Variants in FILIP1 observed in about 807,000 individuals in gnomAD.
FILIP1 encodes the protein filamin-A-interacting protein 1.
Under a neutral mutation model 102.1 loss-of-function variants are expected in FILIP1, and 61 were observed. The observed-to-expected ratio is 0.60, with a 90% confidence interval of 0.49 to 0.74. The LOEUF (loss-of-function observed/expected upper bound fraction) is 0.74. Ranked by LOEUF, FILIP1 falls within the 30% of genes least tolerant of loss-of-function variation. FILIP1 has a pLI of 0.00. For missense variants in FILIP1, 1,314 were observed against 1,441.2 expected (o/e 0.91, Z 1.43); for synonymous variants, 491 against 526.9 (o/e 0.93, Z 0.93).
intron 3 of FILIP1, among the ~76,000 whole-genome samples, chr6:75,355,047 C>T (rs1377261185): frequency 6.6e-6 from 1 of 152,160 alleles, no homozygotes; most frequent in Non-Finnish European, 1.5e-5. Context: ...GTAATCTCAG[C>T]ACTTTGAGAG....
At chr6:75,355,313 A>C (rs1266447237) in intron 3 of FILIP1, among the ~76,000 whole-genome samples, 2 of 152,056 alleles carry the variant, frequency 1.3e-5, no homozygotes, top group Admixed American at 6.6e-5. Flanking sequence ...AAACCAAAAC[A>C]AAACAAAACA....
intron 2 of FILIP1, among the ~76,000 whole-genome samples, chr6:75,413,158 T>C (rs1210145965): frequency 6.6e-6 from 1 of 152,082 alleles, no homozygotes; most frequent in Admixed American, 6.6e-5. Flanking sequence ...ACGCAGAAAT[T>C]AGAGTTTGCA....
rs1562463676 is a variant in FILIP1, at chr6:75,327,540, A to G, written c.630-12338T>C. ...TTAAGATTTTTTTGTGTGTGAATATATATATATGAATATATATATATAAGT... is the reference window on the plus strand; with the variant it reads ...TTAAGATTTTTTTGTGTGTGAATATGTATATATGAATATATATATATAAGT... On this transcript the variant is annotated intron_variant, in intron 4 of 5. Transcript: ENST00000237172. Among the ~76,000 whole-genome samples the G allele has an allele frequency of 3.5e-5, 5 of 144,646 alleles. 1 individual carries two copies. The South Asian group carries it at 1.1e-3, about 32-fold the overall frequency. 94.9% of individuals were successfully genotyped at this position (144,646 alleles called of 152,430 possible).
At chr6:75,443,333 C>A (rs981495111) in intron 1 of FILIP1, among the ~76,000 whole-genome samples, 21 of 152,106 alleles carry the variant, frequency 1.4e-4, no homozygotes, top group African/African-American at 5.1e-4. Flanking sequence ...AAGCATTAAT[C>A]AATTTTTAAT....
Position 75,313,363 on chromosome 6 carries a change from G to T in FILIP1, c.2469C>A (p.Phe823Leu). ...TTTCTTCCTGGAAGGATTTCCGTAT[G>T]AATACAGCTGGCGTTTCTTCCTCTG... ...EAAEEETPAV[F>L]IRKSFQEENH... Residue 823 changes from phenylalanine (F) to leucine (L), a missense_variant, in exon 5 of 6, where the codon TTC (phenylalanine) becomes TTA (leucine). Transcript: ENST00000237172. The surrounding 1 kb of genome is among the most constrained non-coding windows in gnomAD (Gnocchi z 4.2). 6.2e-7 allele frequency: 1 copy of T among 1,614,218 alleles called. No individual in the cohort carries two copies.
chr6:75,303,607 G>C (rs1582308169), downstream of FILIP1, among the ~76,000 whole-genome samples: 1 of 152,206 alleles, frequency 6.6e-6, no homozygotes, highest in South Asian at 2.1e-4. Context: ...GCAGCAGACT[G>C]ATTGCAGGGG....
chr6:75,440,191 T>A (rs983301400), intron 1 of FILIP1, among the ~76,000 whole-genome samples: 1 of 152,196 alleles, frequency 6.6e-6, no homozygotes, highest in Non-Finnish European at 1.5e-5. Context: ...TTTTTGGGAA[T>A]CTAACATTAT....
chr6:75,346,753 G>GT (rs1774599830), intron 4 of FILIP1, among the ~76,000 whole-genome samples: 1 of 152,114 alleles, frequency 6.6e-6, no homozygotes. Flanking sequence ...CCAGCTAGGG[G>GT]TAACACCTCA....
chr6:75,414,631 T>A, intron 2 of FILIP1, 66 bp downstream of exon 2: 1 of 1,440,476 alleles, frequency 6.9e-7, no homozygotes. Flanking sequence ...GGAACAGATT[T>A]ACATTCTCTT....
At chr6:75,329,953 T>A (rs1338133042) in intron 4 of FILIP1, among the ~76,000 whole-genome samples, 5 of 152,074 alleles carry the variant, frequency 3.3e-5, no homozygotes. Flanking sequence ...CTGAATAAAT[T>A]ACCTCATTTC....
At chr6:75,309,199 C>A (rs1359698337) in intron 5 of FILIP1, among the ~76,000 whole-genome samples, 1 of 152,100 alleles carries the variant, frequency 6.6e-6, no homozygotes, top group Non-Finnish European at 1.5e-5. Flanking sequence ...TAAATATAGA[C>A]CACCAGGCAA....
intron 1 of FILIP1, among the ~76,000 whole-genome samples, chr6:75,423,188 C>T (rs376736786): frequency 3.3e-4 from 51 of 152,242 alleles, no homozygotes; most frequent in African/African-American, 1.2e-3. Flanking sequence ...TACCATTCTA[C>T]GTTGTACAGC....
chr6:75,436,038 T>C (rs1295754398), intron 1 of FILIP1, among the ~76,000 whole-genome samples: 1 of 152,148 alleles, frequency 6.6e-6, no homozygotes, highest in African/African-American at 2.4e-5. Flanking sequence ...CTGATGCTCT[T>C]GAGGCCCTTA....
Position 75,362,741 on chromosome 6 carries a change from T to C in FILIP1, c.450+3A>G, listed in dbSNP as rs761153192. 1 of 1,612,490 alleles carries C rather than the reference T, an allele frequency of 6.2e-7. No individual in the cohort carries two copies. The highest frequency in any genetic ancestry group is 1.1e-5 in the South Asian group (1 of 91,052). The stretch of plus-strand genomic sequence containing the variant: ...AGGGGACTTGTTGGTGTCATATTTT[T>C]ACCTCTGAAATCGGTTTCTCATAGA... On this transcript the variant is annotated splice_donor_region_variant and intron_variant, in intron 3 of 5. Transcript: ENST00000237172.
chr6:75,360,715 C>G (rs141440353), intron 3 of FILIP1: 1 of 152,124 alleles, frequency 6.6e-6, no homozygotes, highest in Non-Finnish European at 1.5e-5. Flanking sequence ...ATTGCTTAAC[C>G]GCTGGTGAGT....
intron 1 of FILIP1, among the ~76,000 whole-genome samples, chr6:75,440,678 C>T (rs1438456352): frequency 2.6e-5 from 4 of 152,132 alleles, no homozygotes; most frequent in South Asian, 2.1e-4. Flanking sequence ...TATGACAGGC[C>T]GGACGCAGTG....
Position 75,473,587 on chromosome 6 carries a change from A to T in FILIP1, c.-7+19827T>A, listed in dbSNP as rs555004440. On this transcript the variant is annotated intron_variant, in intron 1 of 5. Coordinates refer to ENST00000237172, the MANE Select transcript of FILIP1 (RefSeq NM_015687.5). ...GTAAATATGTGACTGTTCCATTTTT[A>T]AAAAACACAATGAAACAAATTCACT... Among the ~76,000 whole-genome samples the T allele has an allele frequency of 2.0e-5, 3 of 152,312 alleles. No homozygotes were observed. In the East Asian group the frequency reaches 5.8e-4, roughly 29 times the overall value.
intron 4 of FILIP1, among the ~76,000 whole-genome samples, chr6:75,331,748 G>A (rs1774091813): frequency 6.6e-6 from 1 of 151,830 alleles, no homozygotes; most frequent in Non-Finnish European, 1.5e-5. Context: ...TCCTTCACTA[G>A]TCAGGCACCC....
chr6:75,488,443 GAA>G (rs199851121), intron 1 of FILIP1, among the ~76,000 whole-genome samples: 1 of 135,856 alleles, frequency 7.4e-6, no homozygotes. Context: ...GACCATTTAA[GAA>G]AAAAAAAAAA....
Sources: allele counts gnomAD v4.1 joint callset (sites outside exome capture counted in the v4.1 genomes callset), GRCh38; gene constraint gnomAD v4.1.1; non-coding constraint Gnocchi (gnomAD v3.1); transcripts MANE v1.5; gene names NCBI Gene and HGNC (gene_info 2026-07-23, HGNC 2026-07-21).